The following LPP variants were observed in gnomAD, a reference collection of about 807,000 sequenced individuals.
The protein encoded by LPP is lipoma-preferred partner.
In LPP, 38 loss-of-function variants were observed where a neutral mutation model predicts 60.4. The observed-to-expected ratio is 0.63, with a 90% CI of 0.49 to 0.83. LPP has a LOEUF of 0.83. Among genes scored for constraint, LPP ranks in the 40% least tolerant of loss-of-function variants. The pLI is 0.00. For synonymous variants in LPP, 328 were observed against 290.8 expected (o/e 1.13, Z -1.30); for missense variants, 902 against 783.6 (o/e 1.15, Z -1.80).
intron 2 of LPP, among the ~76,000 whole-genome samples, chr3:188,293,831 G>A (rs1318526150): frequency 5.3e-5 from 8 of 152,082 alleles, no homozygotes; most frequent in Non-Finnish European, 1.2e-4. Context: ...TTGGGAGACC[G>A]AGGTGGGTGA....
At chr3:188,813,606 C>A (rs1219795099) in intron 9 of LPP, among the ~76,000 whole-genome samples, 1 of 152,114 alleles carries the variant, frequency 6.6e-6, no homozygotes, top group East Asian at 1.9e-4. Context: ...CTTGTAGTTG[C>A]ATTACTCAGT....
chr3:188,875,256 T>C lies in LPP; in HGVS notation c.*777T>C, dbSNP rs977121471. 6.9e-5 allele frequency: 15 copies of C among 218,716 alleles called. No individual in the cohort carries two copies. Among genetic ancestry groups the C allele is most frequent in the Admixed American group, 1.7e-4 (3 of 17,284 alleles). 13.5% of individuals were successfully genotyped at this position (218,716 alleles called of 1,614,324 possible). A position where few individuals can be genotyped will look rare whatever the true frequency, so the allele number is the denominator to read the frequency against. On this transcript the variant is annotated 3_prime_UTR_variant, in exon 12 of 12. Transcript: ENST00000617246. Reference sequence around the variant, plus strand: ...GGGGTTATGTTTAAAAAAACATTATTGTCCCACAATATTACCTTAAGATTT... The same window carrying C: ...GGGGTTATGTTTAAAAAAACATTATCGTCCCACAATATTACCTTAAGATTT...
At chr3:188,574,394 T>G (rs575011453) in intron 6 of LPP, among the ~76,000 whole-genome samples, 1 of 152,308 alleles carries the variant, frequency 6.6e-6, no homozygotes, top group South Asian at 2.1e-4. Context: ...TTATCTTCAT[T>G]TTAATTTTAT....
intron 7 of LPP, among the ~76,000 whole-genome samples, chr3:188,690,445 G>GT (rs527338418): frequency 7.9e-5 from 12 of 152,046 alleles, no homozygotes; most frequent in Non-Finnish European, 1.6e-4. Flanking sequence ...TGAAAGATAA[G>GT]TTTTTTTCTT....
chr3:188,468,811 G>A (rs1428426248), intron 4 of LPP, among the ~76,000 whole-genome samples: 1 of 152,134 alleles, frequency 6.6e-6, no homozygotes, highest in Admixed American at 6.6e-5. Flanking sequence ...GGAATAAAAG[G>A]GAGCAATAAA....
intron 1 of LPP, among the ~76,000 whole-genome samples, chr3:188,214,854 A>G (rs1462769693): frequency 6.6e-6 from 1 of 152,246 alleles, no homozygotes; most frequent in Non-Finnish European, 1.5e-5. Flanking sequence ...GACAGCTGAC[A>G]AGCATTGGTT....
intron 7 of LPP, among the ~76,000 whole-genome samples, chr3:188,707,519 A>G (rs1577122717): frequency 6.6e-6 from 1 of 152,192 alleles, no homozygotes; most frequent in South Asian, 2.1e-4. Flanking sequence ...TGTCAATGCT[A>G]CTGACTTATC....
At chr3:188,506,124 T>A (rs1318547855) in intron 5 of LPP, among the ~76,000 whole-genome samples, 17 of 152,198 alleles carry the variant, frequency 1.1e-4, no homozygotes, top group Admixed American at 1.1e-3. Context: ...GTCTGACAAC[T>A]GGATCATCTT....
intron 8 of LPP, chr3:188,725,467 T>C (rs1718036017): frequency 6.6e-6 from 1 of 152,216 alleles, no homozygotes. Flanking sequence ...ACTTTCGAAG[T>C]CAAGAGGTAT....
intron 8 of LPP, among the ~76,000 whole-genome samples, chr3:188,726,024 C>G (rs1441689839): frequency 6.6e-6 from 1 of 152,058 alleles, no homozygotes; most frequent in Non-Finnish European, 1.5e-5. Flanking sequence ...GTGGCCAGAT[C>G]AAGAGGGCCT....
chr3:188,375,645 T>A (rs1774814230), intron 3 of LPP, among the ~76,000 whole-genome samples: 1 of 152,182 alleles, frequency 6.6e-6, no homozygotes. Flanking sequence ...GTTTATCTTT[T>A]AAAAAAACCA....
In LPP at chr3:188,285,064, C is replaced by T. The variant is rs565985556; in HGVS notation, c.-66-56599C>T. ...AAACAGGGCATGTGAGGTCAGGGGC[C>T]CTGGTTGTGAGTCCCGGCCCTGCTT... On this transcript the variant is annotated intron_variant, in intron 2 of 11. Coordinates refer to ENST00000617246, the MANE Select transcript of LPP (RefSeq NM_001375462.1). 3.5e-3 allele frequency among the ~76,000 whole-genome samples: 532 copies of T among 152,154 alleles called. 1 individual carries two copies. Among genetic ancestry groups the T allele is most frequent in the African/African-American group, 0.012 (513 of 41,520 alleles).
At chr3:188,320,606 C>G (rs1341968884) in intron 2 of LPP, among the ~76,000 whole-genome samples, 1 of 152,184 alleles carries the variant, frequency 6.6e-6, no homozygotes, top group Non-Finnish European at 1.5e-5. Flanking sequence ...TGGATGTCAG[C>G]CATTCACTGT....
At chr3:188,793,096 A>T (rs911840500) in intron 9 of LPP, among the ~76,000 whole-genome samples, 3 of 151,944 alleles carry the variant, frequency 2.0e-5, no homozygotes, top group Non-Finnish European at 4.4e-5. Context: ...GGCAGACAGT[A>T]GTAGAGGCCC....
chr3:188,656,526 T>A (rs1004915542), intron 7 of LPP, among the ~76,000 whole-genome samples: 1 of 152,246 alleles, frequency 6.6e-6, no homozygotes, highest in African/African-American at 2.4e-5. Context: ...CAACAACCTT[T>A]CTGCTCACCT....
chr3:188,559,600 A>G (rs1830222436), intron 6 of LPP, among the ~76,000 whole-genome samples: 1 of 152,020 alleles, frequency 6.6e-6, no homozygotes, highest in African/African-American at 2.4e-5. Flanking sequence ...TCGTAGAGTC[A>G]ATAGTTTCAC....
chr3:188,831,266 A>T (rs1331430232), intron 9 of LPP, among the ~76,000 whole-genome samples: 2 of 152,230 alleles, frequency 1.3e-5, no homozygotes, highest in South Asian at 4.1e-4. Flanking sequence ...AGCCAGCAAG[A>T]GTGCAAAGAC....
At chr3:188,761,930 C>T (rs912768731) in intron 9 of LPP, among the ~76,000 whole-genome samples, 17 of 152,186 alleles carry the variant, frequency 1.1e-4, no homozygotes, top group African/African-American at 1.9e-4. Flanking sequence ...TTTATTGCCA[C>T]GAGCCCTAAG....
At chr3:188,395,050 A>G (rs946645053) in intron 3 of LPP, among the ~76,000 whole-genome samples, 1 of 152,242 alleles carries the variant, frequency 6.6e-6, no homozygotes, top group South Asian at 2.1e-4. Flanking sequence ...ATTATATTTC[A>G]GAGTATATAA....
Sources: allele counts gnomAD v4.1 joint callset (sites outside exome capture counted in the v4.1 genomes callset), GRCh38; gene constraint gnomAD v4.1.1; transcripts MANE v1.5; gene names NCBI Gene and HGNC (gene_info 2026-07-23, HGNC 2026-07-21).